WBP1L: variants seen among roughly 807,000 people sequenced by gnomAD.
WBP1L encodes WW domain binding protein 1 like.
In WBP1L, 17 loss-of-function variants were observed where a neutral mutation model predicts 33.7. The ratio of observed to expected loss-of-function variants is 0.50; its 90% CI spans 0.34 to 0.76. The LOEUF (loss-of-function observed/expected upper bound fraction) is 0.76. WBP1L is among the 30% of genes least tolerant of loss of function. The pLI is 0.01. For synonymous variants in WBP1L, 173 were observed against 190.8 expected (o/e 0.91, Z 0.77); for missense variants, 389 against 469.4 (o/e 0.83, Z 1.58).
intron 1 of WBP1L, among the ~76,000 whole-genome samples, chr10:102,787,246 A>G (rs1843428500): frequency 6.6e-6 from 1 of 152,182 alleles, no homozygotes; most frequent in Admixed American, 6.5e-5. Context: ...GGTGTGGTAT[A>G]TACTAGAAAG....
At chr10:102,768,400 A>T (rs1843141478) in intron 1 of WBP1L, among the ~76,000 whole-genome samples, 1 of 16,072 alleles carries the variant, frequency 6.2e-5, no homozygotes. Flanking sequence ...TTTTTTTGAG[A>T]CGGAGTCTCG....
chr10:102,756,924 G>A (rs1482162412), intron 1 of WBP1L, among the ~76,000 whole-genome samples: 2 of 150,598 alleles, frequency 1.3e-5, no homozygotes, highest in Non-Finnish European at 3.0e-5. Context: ...GTCTCGATCT[G>A]TTGCCCAGGC....
intron 1 of WBP1L, among the ~76,000 whole-genome samples, chr10:102,763,729 T>A (rs1843071975): frequency 6.6e-6 from 1 of 152,254 alleles, no homozygotes; most frequent in African/African-American, 2.4e-5. Flanking sequence ...AATATCCTGT[T>A]ACCAGCTGTA....
intron 1 of WBP1L, among the ~76,000 whole-genome samples, chr10:102,778,456 A>C (rs1843295300): frequency 1.3e-5 from 2 of 152,236 alleles, no homozygotes; most frequent in Non-Finnish European, 2.9e-5. Flanking sequence ...AGAATGAAGC[A>C]GTGGGTAGCA....
chr10:102,755,077 G>A (rs1440700011), intron 1 of WBP1L, among the ~76,000 whole-genome samples: 3 of 151,670 alleles, frequency 2.0e-5, no homozygotes, highest in Non-Finnish European at 2.9e-5. Context: ...AGCCTCCCCA[G>A]TAGTTGGGAT....
intron 1 of WBP1L, among the ~76,000 whole-genome samples, chr10:102,756,834 T>A (rs1842983349): frequency 6.6e-6 from 1 of 151,884 alleles, no homozygotes; most frequent in Non-Finnish European, 1.5e-5. Flanking sequence ...TTTGGGAGAC[T>A]GAGGTGGGCA....
At chr10:102,810,076 T>C (rs373500156) in intron 3 of WBP1L, 22 bp downstream of exon 3, 16 of 1,591,672 alleles carry the variant, frequency 1.0e-5, no homozygotes, top group African/African-American at 2.7e-5. Context: ...CAAGCCCCCA[T>C]ACCCACCCTC....
rs1365601643 is a variant in WBP1L at position 102,788,253 on chromosome 10, C to T, written c.91-9740C>T. On this transcript the variant is annotated intron_variant, in intron 1 of 3. Transcript: ENST00000448841. ...ATGCCATTCTCCTGCCTCAGCCTCC[C>T]GAGTAGCTACCACGCCCGGCTAATT... 9.3e-5 allele frequency among the ~76,000 whole-genome samples: 14 copies of T among 151,104 alleles called. No individual in the cohort carries two copies. In the East Asian group the frequency reaches 2.6e-3, roughly 28 times the overall value.
At chr10:102,750,119 A>G (rs1178972518) in intron 1 of WBP1L, among the ~76,000 whole-genome samples, 1 of 151,812 alleles carries the variant, frequency 6.6e-6, no homozygotes, top group East Asian at 2.0e-4. Context: ...TTATTGAGAT[A>G]TAATCAGGTC....
rs1843260286 is a variant in WBP1L, at chr10:102,776,257, G to C, written c.91-21736G>C. On this transcript the variant is annotated intron_variant, in intron 1 of 3. Transcript: ENST00000448841. ...TCGGTCCCAGGACTCTGTTTACTTT[G>C]TCTGCTTTGCTAAAGAAGGCCGGTG... is the stretch of plus-strand genomic sequence containing the variant. The C allele has an allele frequency of 3.8e-6, 6 of 1,591,384 alleles. No homozygotes were observed. The South Asian group carries it at 5.6e-5, about 15-fold the overall frequency.
At chr10:102,808,973 C>T (rs529484439) in intron 2 of WBP1L, among the ~76,000 whole-genome samples, 1 of 152,204 alleles carries the variant, frequency 6.6e-6, no homozygotes, top group East Asian at 1.9e-4. Flanking sequence ...ACCTATAATA[C>T]GGGGGGACCC....
Position 102,809,919 on chromosome 10 carries a change from A to G in WBP1L, c.220A>G (p.Ile74Val), listed in dbSNP as rs1843804964. ...WWFWLVWTII[I>V]ILSCCCVCHH... is the part of the protein sequence containing the mutation. ...GTTCTGGCTGGTGTGGACCATCATCATCATCCTGAGCTGCTGCTGTGTTTG... is the reference window on the plus strand; with the variant it reads ...GTTCTGGCTGGTGTGGACCATCATCGTCATCCTGAGCTGCTGCTGTGTTTG... The change falls in exon 3 of 4, where the codon ATC (isoleucine) becomes GTC (valine). Residue 74 changes from isoleucine (I) to valine (V), a missense_variant. Transcript: ENST00000448841. The G allele has an allele frequency of 6.2e-7, 1 of 1,613,466 alleles. No individual in the cohort carries two copies.
At chr10:102,771,635 C>G (rs1843187892) in intron 1 of WBP1L, among the ~76,000 whole-genome samples, 1 of 151,866 alleles carries the variant, frequency 6.6e-6, no homozygotes, top group Non-Finnish European at 1.5e-5. Flanking sequence ...TGGTGAAACC[C>G]CATCTCTAAT....
intron 2 of WBP1L, 82 bp from the exon 3 acceptor site, chr10:102,809,811 C>T: frequency 6.7e-7 from 1 of 1,502,028 alleles, no homozygotes; most frequent in Non-Finnish European, 9.0e-7. Flanking sequence ...GGGCACCGTC[C>T]AGGGACCTCC....
rs749661196 is a variant in WBP1L at position 102,813,112 on chromosome 10, C to G, written c.873C>G (p.Asn291Lys). ...ATGACGATGACCTCAAAGAGTTCAA[C>G]ACACTCATCGATGATGCTCTGGATG... ...GHHDDDLKEF[N>K]TLIDDALDGP... is the part of the protein sequence containing the mutation. Residue 291 changes from asparagine to lysine, a missense_variant, in exon 4 of 4, where the codon AAC becomes AAG. By Grantham distance (94) the Asn-to-Lys change is moderately conservative. Coordinates refer to ENST00000448841, the MANE Select transcript of WBP1L (RefSeq NM_001083913.2). 6.2e-7 allele frequency: 1 copy of G among 1,613,986 alleles called. No homozygotes were observed. The highest frequency in any genetic ancestry group is 8.5e-7 in the Non-Finnish European group (1 of 1,180,028).
chr10:102,804,547 G>C (rs557026022), intron 2 of WBP1L, among the ~76,000 whole-genome samples: 3 of 152,132 alleles, frequency 2.0e-5, no homozygotes, highest in African/African-American at 7.2e-5. Flanking sequence ...GCAGTAGTCA[G>C]GATAGGCTAA....
chr10:102,780,592 A>T (rs1843322379), intron 1 of WBP1L, among the ~76,000 whole-genome samples: 1 of 152,252 alleles, frequency 6.6e-6, no homozygotes, highest in African/African-American at 2.4e-5. Flanking sequence ...CATGTTGTGG[A>T]TACAAAGAGG....
intron 1 of WBP1L, among the ~76,000 whole-genome samples, chr10:102,746,757 A>G (rs1252667894): frequency 6.6e-6 from 1 of 152,214 alleles, no homozygotes; most frequent in African/African-American, 2.4e-5. Context: ...AGGACTTACT[A>G]TACTCATTCT....
chr10:102,745,742 A>T (rs1469904060), intron 1 of WBP1L, among the ~76,000 whole-genome samples: 1 of 152,244 alleles, frequency 6.6e-6, no homozygotes, highest in Admixed American at 6.5e-5. Flanking sequence ...TATACTAGAA[A>T]TACCATGTGA....
Sources: allele counts gnomAD v4.1 joint callset (sites outside exome capture counted in the v4.1 genomes callset), GRCh38; gene constraint gnomAD v4.1.1; transcripts MANE v1.5; gene names NCBI Gene and HGNC (gene_info 2026-07-23, HGNC 2026-07-21).